Variants in FANCC observed in about 807,000 individuals in gnomAD.
FANCC encodes the protein FA complementation group C.
FANCC carries 55 observed loss-of-function variants against 71.3 expected under a neutral mutation model. That is an observed-to-expected ratio of 0.77 (90% CI 0.62 to 0.97). The LOEUF (loss-of-function observed/expected upper bound fraction) is 0.97, where lower values mean the gene tolerates loss of function less well. Ranked by LOEUF, FANCC falls within the 50% of genes least tolerant of loss-of-function variation. The pLI is 0.00. For missense variants in FANCC, 678 were observed against 670.9 expected, an observed-to-expected ratio of 1.01 and a Z score of -0.12; for synonymous variants, 275 against 244.9, an observed-to-expected ratio of 1.12 and a Z score of -1.15.
intron 13 of FANCC, 97 bp from the exon 14 acceptor site, chr9:95,107,366 G>A (rs1322342548): frequency 1.2e-5 from 16 of 1,343,468 alleles, no homozygotes; most frequent in South Asian, 2.5e-5. Context: ...CCCCAGAAAC[G>A]GGTAAGCACT....
intron 1 of FANCC, among the ~76,000 whole-genome samples, chr9:95,302,762 C>G (rs1034668823): frequency 6.6e-6 from 1 of 152,192 alleles, no homozygotes; most frequent in African/African-American, 2.4e-5. Flanking sequence ...TCCTGCAATT[C>G]TCTGTCCTAC....
intron 13 of FANCC, 140 bp from the exon 14 acceptor site, chr9:95,107,409 AATTTACACTC>A: frequency 1.1e-6 from 1 of 894,980 alleles, no homozygotes; most frequent in Non-Finnish European, 1.8e-6. Context: ...GCAGCGGCCG[AATTTACACTC>A]GATTTCACAC....
chr9:95,194,743 G>A (rs1827317478), intron 4 of FANCC, among the ~76,000 whole-genome samples: 1 of 152,032 alleles, frequency 6.6e-6, no homozygotes, highest in Non-Finnish European at 1.5e-5. Context: ...TGATTATCTA[G>A]ATACTAGTCC....
rs1830580942 is a variant in FANCC, at chr9:95,240,659, GAGTTA to G, written c.330_334del (p.Asn111LeufsTer16). 1 of 1,604,344 alleles carries G rather than the reference GAGTTA, an allele frequency of 6.2e-7. No individual in the cohort carries two copies. The highest frequency in any genetic ancestry group is 8.5e-7 in the Non-Finnish European group (1 of 1,171,446). Reference sequence around the variant, plus strand: ...GATTTACTCTCTTACCTGTATCCAGGAGTTAAGTTTTGATTGTCCAGAATTCTGTG... The same window carrying G: ...GATTTACTCTCTTACCTGTATCCAGGAGTTTTGATTGTCCAGAATTCTGTG... On this transcript the variant is annotated frameshift_variant, in exon 4 of 15. Coordinates refer to ENST00000289081, the MANE Select transcript of FANCC (RefSeq NM_000136.3). LOFTEE classifies it high-confidence loss of function.
chr9:95,135,318 T>C (rs368691843), intron 8 of FANCC, 28 bp downstream of exon 8: 12 of 1,611,072 alleles, frequency 7.4e-6, no homozygotes, highest in Non-Finnish European at 2.5e-6. Flanking sequence ...TTCAAGGATT[T>C]TTCCCTTCAT....
intron 1 of FANCC, among the ~76,000 whole-genome samples, chr9:95,301,148 TA>T (rs1564840689): frequency 6.7e-6 from 1 of 149,354 alleles, no homozygotes; most frequent in Non-Finnish European, 1.5e-5. Context: ...GAAAAGTGGC[TA>T]AAGTCAGTAT....
chr9:95,251,700 A>G (rs990449339), intron 1 of FANCC, among the ~76,000 whole-genome samples: 1 of 152,204 alleles, frequency 6.6e-6, no homozygotes, highest in African/African-American at 2.4e-5. Context: ...TTAATTAGTA[A>G]TATCTCATTT....
chr9:95,292,156 C>G (rs1224924425), intron 1 of FANCC, among the ~76,000 whole-genome samples: 1 of 149,460 alleles, frequency 6.7e-6, no homozygotes, highest in African/African-American at 2.4e-5. Flanking sequence ...AACACACTTA[C>G]AGTCAACTGA....
At chr9:95,309,435 G>A (rs1835254408) in intron 1 of FANCC, among the ~76,000 whole-genome samples, 1 of 152,174 alleles carries the variant, frequency 6.6e-6, no homozygotes, top group Non-Finnish European at 1.5e-5. Context: ...TTTATATAGT[G>A]TTTTATTATA....
intron 10 of FANCC, among the ~76,000 whole-genome samples, chr9:95,122,150 GC>G (rs1297230462): frequency 2.0e-5 from 3 of 152,098 alleles, no homozygotes; most frequent in Admixed American, 2.0e-4. Flanking sequence ...GAGCCACCAC[GC>G]CTGGCACATA....
intron 12 of FANCC, among the ~76,000 whole-genome samples, chr9:95,112,005 G>A (rs913535229): frequency 6.6e-6 from 1 of 152,194 alleles, no homozygotes; most frequent in African/African-American, 2.4e-5. Flanking sequence ...AGAAAGAGGT[G>A]GAGGGTAGGA....
intron 1 of FANCC, among the ~76,000 whole-genome samples, chr9:95,296,333 AC>A (rs1201300004): frequency 1.3e-5 from 2 of 152,358 alleles, no homozygotes; most frequent in African/African-American, 4.8e-5. Flanking sequence ...TAGTAAAGAG[AC>A]AGATCCTCAA....
intron 4 of FANCC, among the ~76,000 whole-genome samples, chr9:95,229,676 A>T (rs932703326): frequency 6.6e-6 from 1 of 152,106 alleles, no homozygotes; most frequent in Admixed American, 6.5e-5. Context: ...CCAAGTGGAG[A>T]TGTCACACAG....
chr9:95,273,499 AG>A (rs759566500), intron 1 of FANCC, among the ~76,000 whole-genome samples: 28 of 152,228 alleles, frequency 1.8e-4, no homozygotes, highest in South Asian at 4.1e-4. Context: ...TGGTCCAAAT[AG>A]GAAGTGGAAC....
chr9:95,240,903 T>C (rs1588337946), intron 3 of FANCC, among the ~76,000 whole-genome samples, 160 bp from the exon 4 acceptor site: 3 of 152,228 alleles, frequency 2.0e-5, no homozygotes, highest in Admixed American at 1.3e-4. Flanking sequence ...CTTTGCACAT[T>C]CTCTTTCTGC....
intron 1 of FANCC, among the ~76,000 whole-genome samples, chr9:95,316,309 T>G (rs4647358): frequency 0.01 from 1,590 of 152,338 alleles, 29 homozygotes; most frequent in African/African-American, 0.037. Flanking sequence ...CACATAACAT[T>G]GAAACATCAA....
At chr9:95,218,806 C>T (rs1251352856) in intron 4 of FANCC, among the ~76,000 whole-genome samples, 1 of 152,154 alleles carries the variant, frequency 6.6e-6, no homozygotes, top group Non-Finnish European at 1.5e-5. Flanking sequence ...TGGCCCTCTC[C>T]GTTCATCCAT....
intron 4 of FANCC, among the ~76,000 whole-genome samples, chr9:95,188,663 C>G (rs1174327725): frequency 1.3e-5 from 2 of 152,214 alleles, no homozygotes; most frequent in Non-Finnish European, 2.9e-5. Context: ...GTCCGAAACA[C>G]GTCAGTGTTT....
intron 1 of FANCC, among the ~76,000 whole-genome samples, chr9:95,263,948 C>T (rs928594857): frequency 1.3e-5 from 2 of 152,134 alleles, no homozygotes; most frequent in Non-Finnish European, 2.9e-5. Flanking sequence ...TAAATGAGTT[C>T]ACTTTTTTCC....
Sources: gnomAD v4.1 joint callset for allele counts (sites outside exome capture counted in the v4.1 genomes callset) on GRCh38, gnomAD v4.1.1 for gene constraint, MANE v1.5 for transcripts, NCBI Gene and HGNC (gene_info 2026-07-23, HGNC 2026-07-21) for gene names.